ACP6: variants seen among roughly 807,000 people sequenced by gnomAD.
ACP6 encodes acid phosphatase 6, lysophosphatidic.
ACP6 carries 48 observed loss-of-function variants against 48.1 expected under a neutral mutation model. The observed-to-expected ratio is 1.00, with a 90% CI of 0.79 to 1.27. The LOEUF (loss-of-function observed/expected upper bound fraction) is 1.27, where lower values mean the gene tolerates loss of function less well. Among genes scored for constraint, ACP6 ranks in the 50% most tolerant of loss-of-function variants. The pLI, the probability that ACP6 is intolerant of heterozygous loss-of-function variation, is 0.00. For synonymous variants in ACP6, 172 were observed against 204.2 expected, an observed-to-expected ratio of 0.84 and a Z score of 1.34; for missense variants, 485 against 529.1, an observed-to-expected ratio of 0.92 and a Z score of 0.82.
At chr1:147,669,761 T>C in intron 1 of ACP6, 69 bp downstream of exon 1, 1 of 1,442,588 alleles carries the variant, frequency 6.9e-7, no homozygotes, top group Non-Finnish European at 9.4e-7. Flanking sequence ...AAGATGTGTG[T>C]CAGGGCGAGA....
chr1:147,636,924 A>G (rs1659316780), intron 5 of ACP6, among the ~76,000 whole-genome samples: 1 of 152,206 alleles, frequency 6.6e-6, no homozygotes, highest in South Asian at 2.1e-4. Context: ...TAGAGAAAGA[A>G]GCACCACAGT....
intron 9 of ACP6, chr1:147,647,913 C>T (rs146749826): frequency 5.8e-5 from 28 of 485,180 alleles, no homozygotes; most frequent in Non-Finnish European, 8.9e-5. Context: ...GCACACATCA[C>T]CTCCCAAAGA....
At chr1:147,630,306 T>A (rs1659132636) in exon 6 of ACP6, 1 of 152,262 alleles carries the variant, frequency 6.6e-6, no homozygotes, top group Non-Finnish European at 1.5e-5. Context: ...CTAGCCACAC[T>A]CTTCCATTCT....
chr1:147,654,068 A>G, intron 6 of ACP6, 126 bp downstream of exon 6: 1 of 1,472,548 alleles, frequency 6.8e-7, no homozygotes, highest in Non-Finnish European at 9.0e-7. Flanking sequence ...CACCCATTCT[A>G]TCTGTAGGTC....
In ACP6 at chr1:147,670,196, G is replaced by A. The variant is rs951888235; in HGVS notation, c.-148C>T. 25 of 713,998 alleles carry A rather than the reference G, an allele frequency of 3.5e-5. No homozygotes were observed. In the Admixed American group the frequency reaches 7.2e-4, roughly 21 times the overall value. The allele number at this position is 713,998 out of a possible 1,614,324, so 44.2% of individuals were successfully genotyped here. A position where few individuals can be genotyped will look rare whatever the true frequency, so the allele number is the denominator to read the frequency against. On this transcript the variant is annotated 5_prime_UTR_variant, in exon 1 of 10. Coordinates refer to ENST00000583509, the MANE Select transcript of ACP6 (RefSeq NM_016361.5). ...CCCTTCAGCAAGCAGGGACCGCTGTGCCTCCCGGCCCTGAGGGAGACCCCG... is the reference window on the plus strand; with the variant it reads ...CCCTTCAGCAAGCAGGGACCGCTGTACCTCCCGGCCCTGAGGGAGACCCCG...
At position 147,648,397 on chromosome 1, in the gene ACP6, T is replaced by C. The variant is rs989980947; in HGVS notation, c.992A>G (p.Tyr331Cys). 14 of 1,614,048 alleles carry C rather than the reference T, an allele frequency of 8.7e-6. No individual in the cohort carries two copies. Among genetic ancestry groups the C allele is most frequent in the Admixed American group, 6.7e-5 (4 of 59,994 alleles). ...TATGAAGGTCACATCATGAGCCGCA[T>C]AGAGATACAGCTTTCTGCAAGAGGA... Reference protein sequence around the residue: ...APDKIRKLYLYAAHDVTFIPL... With the variant: ...APDKIRKLYLCAAHDVTFIPL... Residue 331 changes from tyrosine (Y) to cysteine (C), a missense_variant, in exon 9 of 10, where the codon TAT becomes TGT. Tyr to Cys is a radical substitution (Grantham distance 194). Transcript: ENST00000583509.
Position 147,667,882 on chromosome 1 carries a change from C to T in ACP6, c.219+1948G>A, listed in dbSNP as rs932918710. ...GTGTGCACCTATAGTCTCAGCTACT[C>T]GGGAGGCTGAGGCAAGAGAATTGCT... On this transcript the variant is annotated intron_variant, in intron 1 of 9. Transcript: ENST00000583509. Among the ~76,000 whole-genome samples, 3 of 151,934 alleles carry T rather than the reference C, an allele frequency of 2.0e-5. No homozygotes were observed. The East Asian group carries it at 5.8e-4, about 30-fold the overall frequency.
At chr1:147,650,046 G>T in intron 8 of ACP6, 97 bp downstream of exon 8, 1 of 997,240 alleles carries the variant, frequency 1.0e-6, no homozygotes, top group Non-Finnish European at 1.5e-6. Flanking sequence ...GTCACTGACA[G>T]CCTGGTTCTT....
chr1:147,655,088 T>C (rs1443465359), intron 5 of ACP6, 73 bp downstream of exon 5: 16 of 1,277,324 alleles, frequency 1.3e-5, no homozygotes, highest in Non-Finnish European at 1.8e-5. Flanking sequence ...GCCCTCAGTA[T>C]AGACAGAGTT....
At chr1:147,631,611 C>A (rs1015863281) in intron 5 of ACP6, among the ~76,000 whole-genome samples, 1 of 152,070 alleles carries the variant, frequency 6.6e-6, no homozygotes, top group Admixed American at 6.6e-5. Flanking sequence ...GTCAAGAGAT[C>A]GAGACCATCC....
chr1:147,658,789 G>A (rs900854779), intron 4 of ACP6, among the ~76,000 whole-genome samples, 171 bp downstream of exon 4: 1 of 152,106 alleles, frequency 6.6e-6, no homozygotes, highest in South Asian at 2.1e-4. Flanking sequence ...GCTGGCAGGG[G>A]CACCATAAGG....
At chr1:147,663,722 T>A (rs1460797484) in intron 1 of ACP6, among the ~76,000 whole-genome samples, 1 of 152,112 alleles carries the variant, frequency 6.6e-6, no homozygotes, top group Non-Finnish European at 1.5e-5. Context: ...TTTCCTCCCC[T>A]CCAACCTAGA....
In ACP6 at chr1:147,659,543, AG is replaced by A; in HGVS notation, c.349-18del. The A allele has an allele frequency of 6.2e-7, 1 of 1,611,670 alleles. No individual in the cohort carries two copies. On this transcript the variant is annotated intron_variant, in intron 2 of 9. Transcript: ENST00000583509. ...CATGCCCCCCTAAAGTAGGGAAGAA[AG>A]AGAAAGAAGAATGAAAACACCTGAC...
exon 6 of ACP6, chr1:147,630,221 TG>T (rs1659128924): frequency 1.3e-5 from 2 of 152,202 alleles, no homozygotes; most frequent in Admixed American, 6.6e-5. Flanking sequence ...TCTGGGCGGC[TG>T]GGTTTCTCAT....
downstream of ACP6, among the ~76,000 whole-genome samples, chr1:147,639,210 C>T (rs1349450594): frequency 6.6e-6 from 1 of 152,170 alleles, no homozygotes; most frequent in African/African-American, 2.4e-5. Flanking sequence ...ATGACCTTGG[C>T]CAAGCCACAG....
chr1:147,657,548 A>C (rs1387610316), intron 4 of ACP6, among the ~76,000 whole-genome samples: 2 of 151,984 alleles, frequency 1.3e-5, no homozygotes, highest in Non-Finnish European at 2.9e-5. Context: ...AGCCTCCTGA[A>C]TAGCTGGGAT....
At chr1:147,630,686 A>G (rs587728404) in exon 6 of ACP6, 3 of 152,338 alleles carry the variant, frequency 2.0e-5, no homozygotes, top group Non-Finnish European at 4.4e-5. Flanking sequence ...AAATGAAGAC[A>G]AGGGCTGCGT....
At chr1:147,640,600 T>G (rs1245659755), downstream of ACP6, among the ~76,000 whole-genome samples, 1 of 152,162 alleles carries the variant, frequency 6.6e-6, no homozygotes, top group Non-Finnish European at 1.5e-5. Context: ...ATATACAGGC[T>G]TATCAACAGG....
intron 7 of ACP6, 139 bp from the exon 8 acceptor site, chr1:147,650,377 C>A (rs1659854732): frequency 1.8e-6 from 1 of 568,588 alleles, no homozygotes; most frequent in Non-Finnish European, 3.0e-6. Context: ...CAGCAACGGG[C>A]CAGAAGGAGA....
Sources: gnomAD v4.1 joint callset for allele counts (sites outside exome capture counted in the v4.1 genomes callset) on GRCh38, gnomAD v4.1.1 for gene constraint, MANE v1.5 for transcripts, NCBI Gene and HGNC (gene_info 2026-07-23, HGNC 2026-07-21) for gene names.